The following INSL6 variants were observed in gnomAD, a reference collection of about 807,000 sequenced individuals.
INSL6 encodes the protein insulin like 6.
INSL6 carries 16 observed loss-of-function variants against 9.4 expected under a neutral mutation model. That is an observed-to-expected ratio of 1.70 (90% CI 1.15 to 2.59). The LOEUF is 2.59. INSL6 is among the 30% of genes most tolerant of loss of function. The pLI, the probability that INSL6 is intolerant of heterozygous loss-of-function variation, is 0.00. For synonymous variants in INSL6, 154 were observed against 96.9 expected (o/e 1.59, Z -3.46); for missense variants, 391 against 257.3 (o/e 1.52, Z -3.56).
At chr9:5,044,230 T>C in the INSL6 span, among the ~76,000 whole-genome samples, 1 of 152,258 alleles carries the variant, frequency 6.6e-6, no homozygotes, top group Admixed American at 6.5e-5. Context: ...ACTTTCTGCC[T>C]ATATTAGTGT....
At chr9:5,135,269 A>G (rs996111975) in intron 2 of INSL6, among the ~76,000 whole-genome samples, 5 of 152,190 alleles carry the variant, frequency 3.3e-5, no homozygotes, top group South Asian at 4.1e-4. Flanking sequence ...AATATTAAAC[A>G]GATCAACGAG....
intron 2 of INSL6, among the ~76,000 whole-genome samples, chr9:5,144,262 C>G (rs900165330): frequency 1.3e-5 from 2 of 152,128 alleles, no homozygotes; most frequent in Admixed American, 1.3e-4. Context: ...ATTATTTACC[C>G]AAAAGCCATT....
At chr9:5,115,362 T>C in the INSL6 span, among the ~76,000 whole-genome samples, 1 of 152,142 alleles carries the variant, frequency 6.6e-6, no homozygotes, top group East Asian at 1.9e-4. Flanking sequence ...CAGAGTGAGG[T>C]ACCATCTCAT....
At chr9:5,014,164 C>CTTT in the INSL6 span, among the ~76,000 whole-genome samples, 16 of 117,532 alleles carry the variant, frequency 1.4e-4, no homozygotes, top group East Asian at 2.5e-4. Context: ...TTTACTCTTT[C>CTTT]TTTTTTTTTT....
downstream of INSL6, among the ~76,000 whole-genome samples, chr9:5,159,371 TA>T (rs1276272676): frequency 1.2e-3 from 119 of 101,384 alleles, no homozygotes; most frequent in South Asian, 3.0e-3. Context: ...TTTTTTTTTT[TA>T]AAAAAAGGAT....
chr9:5,124,328 A>T (rs1038293839), exon 4 of INSL6, among the ~76,000 whole-genome samples: 2 of 150,842 alleles, frequency 1.3e-5, no homozygotes, highest in Non-Finnish European at 3.0e-5. Context: ...TTTTTCTAGT[A>T]TTTTTCTAGT....
rs79723647 is a variant in INSL6 at position 5,150,519 on chromosome 9, A to G, written c.376+13660T>C. Among the ~76,000 whole-genome samples, 740 of 152,312 alleles carry G rather than the reference A, an allele frequency of 4.9e-3. 4 individuals carry two copies. The highest frequency in any genetic ancestry group is 0.016 in the African/African-American group (649 of 41,586). ...CAGAGAAAAACAAGTTGAAACTACA[A>G]TAAGATGACATCTTACACTAGTCAG... On this transcript the variant is annotated intron_variant, in intron 2 of 3. Coordinates refer to the INSL6 transcript ENST00000649639.
the INSL6 span, chr9:5,112,480 C>T: frequency 5.4e-6 from 3 of 554,012 alleles, no homozygotes; most frequent in African/African-American, 3.9e-5. Flanking sequence ...CCGGACCAGC[C>T]CAGACAAGGA....
chr9:5,022,653 C>T, the INSL6 span, among the ~76,000 whole-genome samples: 10 of 152,142 alleles, frequency 6.6e-5, no homozygotes, highest in African/African-American at 1.9e-4. Flanking sequence ...CCAATCTTTC[C>T]TCATATATAT....
chr9:5,055,434 C>T, the INSL6 span, among the ~76,000 whole-genome samples: 30,854 of 151,780 alleles, frequency 0.2, 3,328 homozygotes, highest in South Asian at 0.26. Flanking sequence ...TGAAGAGTGC[C>T]ATAGCACATT....
chr9:5,130,189 C>A (rs951678194), intron 3 of INSL6, among the ~76,000 whole-genome samples: 1 of 152,066 alleles, frequency 6.6e-6, no homozygotes, highest in Non-Finnish European at 1.5e-5. Flanking sequence ...TAAAACGAGA[C>A]CTTTAAAGGA....
the INSL6 span, chr9:5,029,737 TTC>T: frequency 4.0e-6 from 6 of 1,507,068 alleles, no homozygotes; most frequent in South Asian, 5.2e-5. Context: ...TGTAAAAATA[TTC>T]TGTTGTGTAC....
At chr9:5,143,528 G>A (rs1300630930) in intron 2 of INSL6, among the ~76,000 whole-genome samples, 2 of 151,942 alleles carry the variant, frequency 1.3e-5, no homozygotes, top group African/African-American at 2.4e-5. Context: ...GGGGTCAGTG[G>A]TAATAACCCC....
the INSL6 span, among the ~76,000 whole-genome samples, chr9:5,011,155 A>T: frequency 6.6e-6 from 1 of 152,200 alleles, no homozygotes; most frequent in Admixed American, 6.5e-5. Context: ...TTTTTTAAAC[A>T]AACTTGGAAA....
the INSL6 span, among the ~76,000 whole-genome samples, chr9:5,034,585 C>CA: frequency 7.9e-5 from 12 of 151,992 alleles, no homozygotes; most frequent in Admixed American, 1.3e-4. Context: ...TTAAGAAACT[C>CA]ACTCAAAACC....
chr9:5,085,051 G>C, the INSL6 span: 1 of 756,240 alleles, frequency 1.3e-6, no homozygotes, highest in South Asian at 1.3e-5. Context: ...TCTCTTTCTG[G>C]GGATGAGAAG....
exon 4 of INSL6, among the ~76,000 whole-genome samples, chr9:5,123,995 A>C (rs377070682): frequency 6.6e-6 from 1 of 150,668 alleles, no homozygotes; most frequent in East Asian, 1.9e-4. Context: ...GCCTCTTGTC[A>C]GTTTGGGTGT....
At chr9:5,048,136 C>G in the INSL6 span, among the ~76,000 whole-genome samples, 1 of 151,774 alleles carries the variant, frequency 6.6e-6, no homozygotes, top group African/African-American at 2.4e-5. Context: ...TCTACCAGTT[C>G]TTTTCTTTTC....
the INSL6 span, among the ~76,000 whole-genome samples, chr9:5,077,102 G>C: frequency 6.6e-6 from 1 of 151,680 alleles, no homozygotes; most frequent in Non-Finnish European, 1.5e-5. Flanking sequence ...AGGAAGGTTT[G>C]AATGTCTAAA....
Sources: allele counts gnomAD v4.1 joint callset (sites outside exome capture counted in the v4.1 genomes callset), GRCh38; gene constraint gnomAD v4.1.1; transcripts MANE v1.5; gene names NCBI Gene and HGNC (gene_info 2026-07-23, HGNC 2026-07-21).